NDST3: variants seen among roughly 807,000 people sequenced by gnomAD.
The protein encoded by NDST3 is N-deacetylase and N-sulfotransferase 3.
Under a neutral mutation model 96.1 loss-of-function variants are expected in NDST3, and 58 were observed. The observed-to-expected ratio is 0.60, with a 90% confidence interval of 0.49 to 0.75. The LOEUF (loss-of-function observed/expected upper bound fraction) is 0.75. Among genes scored for constraint, NDST3 ranks in the 30% least tolerant of loss-of-function variants. The pLI, the probability that NDST3 is intolerant of heterozygous loss-of-function variation, is 0.00. For missense variants in NDST3, 788 were observed against 1,034.2 expected (o/e 0.76, Z 3.27); for synonymous variants, 333 against 359.7 (o/e 0.93, Z 0.84).
intron 6 of NDST3, chr4:118,194,746 T>G: frequency 4.1e-6 from 2 of 491,020 alleles, no homozygotes; most frequent in Non-Finnish European, 7.4e-6. Context: ...TCTCCTCAAC[T>G]GTCATCTCCA....
At position 118,054,033 on chromosome 4, in the gene NDST3, T is replaced by C. The variant is rs1407675277; in HGVS notation, c.123T>C (p.Asn41=). 2 of 1,612,916 alleles carry C rather than the reference T, an allele frequency of 1.2e-6. No homozygotes were observed. The highest frequency in any genetic ancestry group is 8.5e-7 in the Non-Finnish European group (1 of 1,179,246). ...TGTACAGTGGCTACAAACAGGAAAA[T>C]GAACTCTCTGAGACGGCTTCAGAAG... is the stretch of plus-strand genomic sequence containing the variant. ...YYLYSGYKQE[N]ELSETASEVD... Residue 41 remains asparagine (N), a synonymous_variant, in exon 2 of 14, where the codon AAT becomes AAC. Transcript: ENST00000296499.
intron 1 of NDST3, among the ~76,000 whole-genome samples, chr4:118,044,938 ACTT>A (rs1578527987): frequency 6.6e-6 from 1 of 151,768 alleles, no homozygotes; most frequent in African/African-American, 2.4e-5. Flanking sequence ...TGACCTACTC[ACTT>A]CTTCTTAGGC....
chr4:118,170,737 A>G (rs1375657231), intron 6 of NDST3, among the ~76,000 whole-genome samples: 1 of 151,608 alleles, frequency 6.6e-6, no homozygotes, highest in Admixed American at 6.6e-5. Context: ...TCAAAAAAAG[A>G]AACAAAGAAA....
intron 6 of NDST3, among the ~76,000 whole-genome samples, chr4:118,178,899 A>G (rs915424439): frequency 1.3e-5 from 2 of 152,028 alleles, no homozygotes; most frequent in South Asian, 2.1e-4. Context: ...TTATTTTAGT[A>G]TTGCCAAATA....
At chr4:118,063,198 A>C (rs921857883) in intron 2 of NDST3, among the ~76,000 whole-genome samples, 1 of 151,938 alleles carries the variant, frequency 6.6e-6, no homozygotes, top group Non-Finnish European at 1.5e-5. Context: ...TTAAAAAAAA[A>C]AAAAAAAAGG....
intron 6 of NDST3, among the ~76,000 whole-genome samples, chr4:118,167,785 A>G (rs1337800781): frequency 6.6e-6 from 1 of 152,202 alleles, no homozygotes; most frequent in South Asian, 2.1e-4. Flanking sequence ...ACCTTTGACA[A>G]GGGCATCAAG....
chr4:118,222,342 A>G (rs1739603533), intron 6 of NDST3, among the ~76,000 whole-genome samples: 1 of 152,046 alleles, frequency 6.6e-6, no homozygotes, highest in Non-Finnish European at 1.5e-5. Context: ...AAGAGAGGTT[A>G]CATGTTCAGC....
intron 12 of NDST3, among the ~76,000 whole-genome samples, chr4:118,247,950 T>G (rs925596659): frequency 1.4e-4 from 22 of 152,310 alleles, no homozygotes; most frequent in African/African-American, 5.3e-4. Flanking sequence ...AGAAATGGTT[T>G]TTCGATGTAA....
In NDST3 at chr4:118,110,600, T is replaced by C. The variant is rs564769285; in HGVS notation, c.1070-4206T>C. Among the ~76,000 whole-genome samples the C allele has an allele frequency of 2.2e-4, 34 of 152,286 alleles. No individual in the cohort carries two copies. The Middle Eastern group carries it at 0.01, about 46-fold the overall frequency. On this transcript the variant is annotated intron_variant, in intron 3 of 13. Coordinates refer to ENST00000296499, the MANE Select transcript of NDST3 (RefSeq NM_004784.3). ...GATGATTTTAAATATAATATCAGAATAGCAAATACTACAGATAAAATAGTG... is the reference window on the plus strand; with the variant it reads ...GATGATTTTAAATATAATATCAGAACAGCAAATACTACAGATAAAATAGTG...
intron 6 of NDST3, among the ~76,000 whole-genome samples, chr4:118,167,607 AT>A (rs1481795310): frequency 6.6e-6 from 1 of 151,986 alleles, no homozygotes; most frequent in African/African-American, 2.4e-5. Context: ...ATCCAAAACA[AT>A]TTTGAGACAG....
At chr4:118,244,373 A>G (rs765640492) in intron 12 of NDST3, among the ~76,000 whole-genome samples, 15 of 152,198 alleles carry the variant, frequency 9.9e-5, no homozygotes, top group Admixed American at 2.6e-4. Context: ...CAAAATATAT[A>G]TCGTCAGAAA....
intron 2 of NDST3, among the ~76,000 whole-genome samples, chr4:118,059,460 T>C (rs375687721): frequency 6.6e-6 from 1 of 152,090 alleles, no homozygotes; most frequent in African/African-American, 2.4e-5. Flanking sequence ...CCAGAGTACC[T>C]AGAGAAAAGA....
intron 2 of NDST3, among the ~76,000 whole-genome samples, chr4:118,094,057 T>C (rs896443759): frequency 6.6e-6 from 1 of 151,856 alleles, no homozygotes; most frequent in Non-Finnish European, 1.5e-5. Context: ...AGCTCCACTG[T>C]CATGATTTAA....
At position 118,194,726 on chromosome 4, in the gene NDST3, G is replaced by A. The variant is rs552596515; in HGVS notation, c.1540-29765G>A. On this transcript the variant is annotated intron_variant, in intron 6 of 13. Coordinates refer to ENST00000296499, the MANE Select transcript of NDST3 (RefSeq NM_004784.3). The stretch of plus-strand genomic sequence containing the variant: ...AGGCGCCAACTGTGTCCCATTCTCA[G>A]TCTCCTTCATCTCCTCAACTGTCAT... 5.2e-5 allele frequency: 27 copies of A among 520,510 alleles called. No individual in the cohort carries two copies. In the East Asian group the frequency reaches 9.5e-4, roughly 18 times the overall value. The allele number at this position is 520,510 out of a possible 1,614,324, so 32.2% of individuals were successfully genotyped here.
At chr4:118,215,739 A>T (rs10001926) in intron 6 of NDST3, among the ~76,000 whole-genome samples, 25,765 of 151,928 alleles carry the variant, frequency 0.17, 2,292 homozygotes, top group South Asian at 0.23. Context: ...TAGTCTTGAC[A>T]ACAAAATGGA....
chr4:118,071,406 T>C (rs1161877139), intron 2 of NDST3, among the ~76,000 whole-genome samples: 2 of 152,100 alleles, frequency 1.3e-5, no homozygotes, highest in African/African-American at 4.8e-5. Flanking sequence ...ATCCTCACCC[T>C]CCTCCTACCC....
At chr4:118,232,756 G>A (rs781550728) in intron 8 of NDST3, among the ~76,000 whole-genome samples, 5 of 152,112 alleles carry the variant, frequency 3.3e-5, no homozygotes, top group Admixed American at 6.6e-5. Context: ...CAAAGTCACA[G>A]ACAAATCAGT....
intron 1 of NDST3, among the ~76,000 whole-genome samples, chr4:118,041,685 T>C (rs1234244812): frequency 1.3e-5 from 2 of 152,222 alleles, no homozygotes; most frequent in Non-Finnish European, 1.5e-5. Flanking sequence ...CAGAGTACCC[T>C]ACTGACCATG....
At chr4:118,165,450 G>A (rs568693585) in intron 6 of NDST3, among the ~76,000 whole-genome samples, 2 of 152,062 alleles carry the variant, frequency 1.3e-5, no homozygotes, top group East Asian at 3.9e-4. Flanking sequence ...ATAACTGAAG[G>A]GAGAAATAGA....
Sources: gnomAD v4.1 joint callset for allele counts (sites outside exome capture counted in the v4.1 genomes callset) on GRCh38, gnomAD v4.1.1 for gene constraint, MANE v1.5 for transcripts, NCBI Gene and HGNC (gene_info 2026-07-23, HGNC 2026-07-21) for gene names.